The following BMERB1 variants were observed in gnomAD, a reference collection of about 807,000 sequenced individuals.
BMERB1 encodes bMERB domain containing 1.
Under a neutral mutation model 23.6 loss-of-function variants are expected in BMERB1, and 12 were observed. The observed-to-expected ratio is 0.51, with a 90% CI of 0.33 to 0.82. The LOEUF is 0.82. Ranked by LOEUF, BMERB1 falls within the 40% of genes least tolerant of loss-of-function variation. The probability of loss-of-function intolerance (pLI) is 0.03; values close to 1 mark genes in which losing one functional copy is unlikely to be tolerated. For missense variants in BMERB1, 247 were observed against 255.4 expected, an observed-to-expected ratio of 0.97 and a Z score of 0.22; for synonymous variants, 122 against 96.6, an observed-to-expected ratio of 1.26 and a Z score of -1.54.
At chr16:15,505,443 C>T (rs1311450214) in intron 1 of BMERB1, among the ~76,000 whole-genome samples, 1 of 152,180 alleles carries the variant, frequency 6.6e-6, no homozygotes, top group Admixed American at 6.5e-5. Flanking sequence ...TCATTCTGAA[C>T]CTTAAGCAGG....
intron 2 of BMERB1, among the ~76,000 whole-genome samples, chr16:15,565,729 G>A (rs971923957): frequency 2.0e-5 from 3 of 152,148 alleles, no homozygotes; most frequent in African/African-American, 7.2e-5. Flanking sequence ...CATGATGGCT[G>A]CACAGCTGTA....
intron 2 of BMERB1, among the ~76,000 whole-genome samples, chr16:15,546,104 A>G (rs138532398): frequency 6.6e-6 from 1 of 152,204 alleles, no homozygotes. Context: ...ACTGGGCAAC[A>G]TGGTGGAACC....
intron 1 of BMERB1, among the ~76,000 whole-genome samples, chr16:15,479,215 T>A (rs1201298798): frequency 6.6e-6 from 1 of 152,196 alleles, no homozygotes; most frequent in Non-Finnish European, 1.5e-5. Context: ...GCTTGATGGT[T>A]TCCAATAGAA....
At chr16:15,479,572 G>T (rs187553703) in intron 1 of BMERB1, among the ~76,000 whole-genome samples, 7 of 152,142 alleles carry the variant, frequency 4.6e-5, no homozygotes, top group African/African-American at 1.7e-4. Context: ...TTTCTGTGAG[G>T]TTAGATTTTC....
chr16:15,467,660 C>A (rs1555506686), intron 1 of BMERB1, among the ~76,000 whole-genome samples: 1 of 152,046 alleles, frequency 6.6e-6, no homozygotes, highest in South Asian at 2.1e-4. Context: ...TTTTCACTTT[C>A]TTGTCAATGA....
At position 15,572,172 on chromosome 16, in the gene BMERB1, G is replaced by C. The variant is rs991934456; in HGVS notation, c.304+4116G>C. ...GCCTTAGCAGGCAGGTGAACTTCGT[G>C]AAAGTTCGCGACTTAATTTCTCTGA... is the stretch of plus-strand genomic sequence containing the variant. On this transcript the variant is annotated intron_variant, in intron 3 of 5. Transcript: ENST00000300006. Among the ~76,000 whole-genome samples the C allele has an allele frequency of 8.5e-5, 13 of 152,330 alleles. No homozygotes were observed. The South Asian group carries it at 2.1e-3, about 24-fold the overall frequency.
chr16:15,583,091 T>G (rs1222700426), intron 4 of BMERB1, 65 bp from the exon 5 acceptor site: 2 of 1,245,500 alleles, frequency 1.6e-6, no homozygotes, highest in Admixed American at 3.4e-5. Flanking sequence ...TTTATTTCAT[T>G]GGTTCCTTGA....
At chr16:15,485,050 C>T (rs537049430) in intron 1 of BMERB1, among the ~76,000 whole-genome samples, 1 of 152,294 alleles carries the variant, frequency 6.6e-6, no homozygotes, top group African/African-American at 2.4e-5. Flanking sequence ...TTACATTAGC[C>T]ATCAGGTAGC....
intron 1 of BMERB1, among the ~76,000 whole-genome samples, chr16:15,489,880 T>C (rs1028915651): frequency 1.1e-4 from 16 of 152,172 alleles, no homozygotes; most frequent in Admixed American, 7.9e-4. Context: ...AATATCTTTT[T>C]TTTTGAGATG....
At chr16:15,483,563 A>G (rs974795846) in intron 1 of BMERB1, among the ~76,000 whole-genome samples, 3 of 152,060 alleles carry the variant, frequency 2.0e-5, no homozygotes, top group Non-Finnish European at 4.4e-5. Flanking sequence ...TAGTTTTATT[A>G]GAGATGAGGT....
intron 1 of BMERB1, among the ~76,000 whole-genome samples, chr16:15,487,744 G>A (rs560700801): frequency 6.6e-6 from 1 of 152,276 alleles, no homozygotes; most frequent in Non-Finnish European, 1.5e-5. Context: ...CTGGGAAAGA[G>A]GTGGGCAATT....
At chr16:15,444,123 G>GTCTTTTTTTTTTTTTTTT (rs2050966394) in intron 1 of BMERB1, among the ~76,000 whole-genome samples, 1 of 35,610 alleles carries the variant, frequency 2.8e-5, no homozygotes, top group Admixed American at 4.9e-4. Flanking sequence ...CACCAGCTTT[G>GTCTTTTTTTTTTTTTTTT]TTTTTTTTTT....
intron 1 of BMERB1, among the ~76,000 whole-genome samples, chr16:15,507,632 G>C (rs969457982): frequency 6.6e-6 from 1 of 152,086 alleles, no homozygotes; most frequent in Non-Finnish European, 1.5e-5. Flanking sequence ...TGTCCTCCTC[G>C]TGGAGACATT....
chr16:15,471,432 G>C (rs2051228176), intron 1 of BMERB1, among the ~76,000 whole-genome samples: 1 of 152,128 alleles, frequency 6.6e-6, no homozygotes, highest in South Asian at 2.1e-4. Context: ...ATTCGTCTTG[G>C]ATGAGTTTGG....
At chr16:15,558,367 G>A (rs1205410411) in intron 2 of BMERB1, among the ~76,000 whole-genome samples, 1 of 152,126 alleles carries the variant, frequency 6.6e-6, no homozygotes, top group Non-Finnish European at 1.5e-5. Context: ...GGGAAGAGGT[G>A]ATTGGAGGCA....
intron 1 of BMERB1, among the ~76,000 whole-genome samples, chr16:15,454,880 TC>T (rs1405681965): frequency 6.6e-6 from 1 of 152,112 alleles, no homozygotes; most frequent in East Asian, 1.9e-4. Flanking sequence ...CTCAGTAAGT[TC>T]CACCTGAAAG....
At chr16:15,577,943 G>C (rs1345850926) in intron 3 of BMERB1, among the ~76,000 whole-genome samples, 1 of 152,230 alleles carries the variant, frequency 6.6e-6, no homozygotes, top group Non-Finnish European at 1.5e-5. Flanking sequence ...GATAACTTCA[G>C]GTGTTTTCTG....
At chr16:15,521,306 A>C (rs1399459480) in intron 2 of BMERB1, among the ~76,000 whole-genome samples, 2 of 152,228 alleles carry the variant, frequency 1.3e-5, no homozygotes, top group Non-Finnish European at 2.9e-5. Context: ...GCTCCAATGC[A>C]GACAGTCAAA....
intron 1 of BMERB1, among the ~76,000 whole-genome samples, chr16:15,467,794 T>C (rs1276312336): frequency 6.6e-6 from 1 of 152,194 alleles, no homozygotes; most frequent in Non-Finnish European, 1.5e-5. Context: ...GGGCCACAGC[T>C]TGGTTTTAAA....
Sources: allele counts gnomAD v4.1 joint callset (sites outside exome capture counted in the v4.1 genomes callset), GRCh38; gene constraint gnomAD v4.1.1; transcripts MANE v1.5; gene names NCBI Gene and HGNC (gene_info 2026-07-23, HGNC 2026-07-21).